The following GRHL2 variants were observed in gnomAD, a reference collection of about 807,000 sequenced individuals.
GRHL2 encodes the protein grainyhead-like protein 2 homolog.
A neutral mutation model predicts 83.8 loss-of-function variants in GRHL2; 21 were observed. That is an observed-to-expected ratio of 0.25 (90% CI 0.18 to 0.36). The LOEUF (loss-of-function observed/expected upper bound fraction) is 0.36, where lower values mean the gene tolerates loss of function less well. Among genes scored for constraint, GRHL2 ranks in the 10% least tolerant of loss-of-function variants. The pLI is 1.00. For missense variants in GRHL2, 623 were observed against 781.8 expected (o/e 0.80, Z 2.42); for synonymous variants, 280 against 278.9 (o/e 1.00, Z -0.04).
intron 12 of GRHL2, among the ~76,000 whole-genome samples, chr8:101,640,932 C>T (rs1431372418): frequency 1.3e-5 from 2 of 152,198 alleles, no homozygotes; most frequent in Non-Finnish European, 2.9e-5. Context: ...CATGTATAAT[C>T]TCTTCAATGG....
chr8:101,674,088 G>A (rs984490707), downstream of GRHL2, among the ~76,000 whole-genome samples: 1 of 151,918 alleles, frequency 6.6e-6, no homozygotes, highest in African/African-American at 2.4e-5. Context: ...AGCACTAAAT[G>A]CCCACAAGAG....
chr8:101,615,567 C>G (rs1277962086), intron 8 of GRHL2, among the ~76,000 whole-genome samples: 1 of 152,208 alleles, frequency 6.6e-6, no homozygotes, highest in Admixed American at 6.5e-5. Flanking sequence ...CTCTATGAAG[C>G]ACATGGCCAA....
chr8:101,553,568 G>T (rs370214545), intron 3 of GRHL2, among the ~76,000 whole-genome samples: 18 of 151,722 alleles, frequency 1.2e-4, no homozygotes, highest in East Asian at 3.9e-4. Flanking sequence ...AAAGAGACAG[G>T]ACCAGAAGGG....
chr8:101,501,640 G>T (rs555108905), intron 1 of GRHL2, among the ~76,000 whole-genome samples: 1 of 152,096 alleles, frequency 6.6e-6, no homozygotes, highest in African/African-American at 2.4e-5. Context: ...TGGCTGTTTG[G>T]CCTCCTAGAT....
At chr8:101,611,914 A>G (rs1365169898) in intron 8 of GRHL2, among the ~76,000 whole-genome samples, 2 of 150,220 alleles carry the variant, frequency 1.3e-5, no homozygotes, top group African/African-American at 5.0e-5. Flanking sequence ...TTTCTCTTCC[A>G]TCTCTCTTTC....
intron 7 of GRHL2, among the ~76,000 whole-genome samples, chr8:101,588,217 T>C (rs1481865872): frequency 6.6e-6 from 1 of 152,226 alleles, no homozygotes; most frequent in African/African-American, 2.4e-5. Context: ...TGAGGTCATG[T>C]AGTTCTCCAA....
chr8:101,578,649 GCTGA>G (rs1231637588), intron 7 of GRHL2, among the ~76,000 whole-genome samples: 14 of 152,174 alleles, frequency 9.2e-5, no homozygotes, highest in Non-Finnish European at 2.1e-4. Context: ...ACCCCATTTT[GCTGA>G]CTAAGATGCT....
chr8:101,645,139 TTTTTTTTTTTTTTTG>T, intron 13 of GRHL2, among the ~76,000 whole-genome samples: 1 of 35,574 alleles, frequency 2.8e-5, no homozygotes, highest in African/African-American at 8.4e-5. Context: ...TTTTTTTTTT[TTTTTTTTTTTTTTTG>T]ACAAAGTCTT....
intron 2 of GRHL2, among the ~76,000 whole-genome samples, chr8:101,551,625 AAG>A (rs1217237218): frequency 2.7e-5 from 4 of 149,642 alleles, no homozygotes; most frequent in African/African-American, 5.0e-5. Context: ...AGCAAAAAAA[AAG>A]AAAGAAAGAA....
At chr8:101,560,359 G>C (rs1415665467) in intron 4 of GRHL2, among the ~76,000 whole-genome samples, 1 of 152,184 alleles carries the variant, frequency 6.6e-6, no homozygotes, top group East Asian at 1.9e-4. Context: ...GTTTTTTAAA[G>C]TTGCTGAGTA....
intron 8 of GRHL2, among the ~76,000 whole-genome samples, chr8:101,608,996 G>T (rs959107535): frequency 2.7e-5 from 4 of 150,506 alleles, no homozygotes; most frequent in Non-Finnish European, 5.9e-5. Context: ...TGCCACTCAG[G>T]AGAGTGTGAC....
At chr8:101,568,199 C>G (rs1227920004) in intron 4 of GRHL2, among the ~76,000 whole-genome samples, 1 of 152,216 alleles carries the variant, frequency 6.6e-6, no homozygotes, top group African/African-American at 2.4e-5. Context: ...TTATTTCAGT[C>G]TAATCCACTT....
At chr8:101,607,496 G>T (rs1221713603) in intron 8 of GRHL2, among the ~76,000 whole-genome samples, 1 of 152,186 alleles carries the variant, frequency 6.6e-6, no homozygotes, top group Non-Finnish European at 1.5e-5. Flanking sequence ...ATGATATGGG[G>T]TTGATAGATA....
intron 7 of GRHL2, among the ~76,000 whole-genome samples, chr8:101,586,127 C>A (rs1812164206): frequency 7.4e-6 from 1 of 134,730 alleles, no homozygotes; most frequent in East Asian, 2.3e-4. Flanking sequence ...GGTGGGACTG[C>A]GGACTGCAGT....
intron 2 of GRHL2, among the ~76,000 whole-genome samples, chr8:101,551,875 G>T (rs561092241): frequency 4.7e-5 from 7 of 149,382 alleles, no homozygotes; most frequent in South Asian, 2.2e-4. Flanking sequence ...TTGCTCTGTC[G>T]CCCAGGCTAG....
Position 101,492,859 on chromosome 8 carries a change from GT to G in GRHL2, c.20+75del. On this transcript the variant is annotated intron_variant, in intron 1 of 15. Transcript: ENST00000646743. ...GGGCTGATGGCAACTGGTTTGTTAT[GT>G]TTTTGTTTTTAAGTTGCTATTGTTG... is the stretch of plus-strand genomic sequence containing the variant. The G allele has an allele frequency of 4.2e-6, 6 of 1,441,242 alleles. No homozygotes were observed. In the South Asian group the frequency reaches 6.8e-5, roughly 16 times the overall value. The allele number at this position is 1,441,242 out of a possible 1,614,324, so 89.3% of individuals were successfully genotyped here.
chr8:101,647,553 C>A (rs1220555394), intron 13 of GRHL2, among the ~76,000 whole-genome samples: 1 of 152,160 alleles, frequency 6.6e-6, no homozygotes, highest in African/African-American at 2.4e-5. Context: ...GTACCGCTAA[C>A]ATTGAGTCCT....
rs1812915651 is a variant in GRHL2, at chr8:101,619,238, G to A, written c.1099-301G>A. Among the ~76,000 whole-genome samples, 6 of 152,114 alleles carry A rather than the reference G, an allele frequency of 3.9e-5. No homozygotes were observed. In the South Asian group the frequency reaches 1.0e-3, roughly 26 times the overall value. On this transcript the variant is annotated intron_variant, in intron 8 of 15. Coordinates refer to ENST00000646743, the MANE Select transcript of GRHL2 (RefSeq NM_024915.4). ...ACTGCACTCCAGCCTGGGCGACAGAGTGAGGCTCTGTCTCAAAAAAATAAA... is the reference window on the plus strand; with the variant it reads ...ACTGCACTCCAGCCTGGGCGACAGAATGAGGCTCTGTCTCAAAAAAATAAA...
the GRHL2 span, among the ~76,000 whole-genome samples, chr8:101,674,948 G>A: frequency 6.6e-6 from 1 of 151,966 alleles, no homozygotes; most frequent in Admixed American, 6.6e-5. Context: ...ACAGAACCAA[G>A]GACAAAAACC....
Sources: gnomAD v4.1 joint callset for allele counts (sites outside exome capture counted in the v4.1 genomes callset) on GRCh38, gnomAD v4.1.1 for gene constraint, MANE v1.5 for transcripts, NCBI Gene and HGNC (gene_info 2026-07-23, HGNC 2026-07-21) for gene names.